The following WDR76 variants were observed in gnomAD, a reference collection of about 807,000 sequenced individuals.
WDR76 encodes the protein WD repeat-containing protein 76.
Under a neutral mutation model 70.2 loss-of-function variants are expected in WDR76, and 52 were observed. That is an observed-to-expected ratio of 0.74 (90% CI 0.59 to 0.93). The LOEUF is 0.93. Among genes scored for constraint, WDR76 ranks in the 40% least tolerant of loss-of-function variants. WDR76 has a pLI of 0.00. For synonymous variants in WDR76, 292 were observed against 271.1 expected, an observed-to-expected ratio of 1.08 and a Z score of -0.76; for missense variants, 756 against 760.2, an observed-to-expected ratio of 0.99 and a Z score of 0.07.
intron 12 of WDR76, among the ~76,000 whole-genome samples, chr15:43,864,772 T>C (rs1264483402): frequency 6.6e-6 from 1 of 151,810 alleles, no homozygotes; most frequent in Non-Finnish European, 1.5e-5. Flanking sequence ...TTTCCTATTT[T>C]TAGTGGAGAT....
chr15:43,865,013 C>A (rs771249026), intron 12 of WDR76, among the ~76,000 whole-genome samples: 12 of 152,352 alleles, frequency 7.9e-5, no homozygotes, highest in Non-Finnish European at 1.3e-4. Context: ...CAACCTCCAC[C>A]TCCCGGGTTC....
chr15:43,845,238 G>A (rs909017661), intron 8 of WDR76, among the ~76,000 whole-genome samples: 3 of 149,722 alleles, frequency 2.0e-5, no homozygotes, highest in Non-Finnish European at 4.5e-5. Context: ...CATGAGCCAC[G>A]GCGCCCAGCC....
chr15:43,861,542 A>G (rs1005401328), intron 12 of WDR76, among the ~76,000 whole-genome samples, 156 bp downstream of exon 12: 1 of 152,238 alleles, frequency 6.6e-6, no homozygotes, highest in East Asian at 1.9e-4. Flanking sequence ...CCTATCCAGA[A>G]GGGTTCTTGC....
At chr15:43,856,430 A>T (rs1055425073) in intron 9 of WDR76, among the ~76,000 whole-genome samples, 1 of 152,120 alleles carries the variant, frequency 6.6e-6, no homozygotes, top group Non-Finnish European at 1.5e-5. Flanking sequence ...TATAATTTCA[A>T]TTGGGTAGAA....
chr15:43,835,172 A>G, intron 3 of WDR76, 22 bp downstream of exon 3: 1 of 1,610,672 alleles, frequency 6.2e-7, no homozygotes, highest in Non-Finnish European at 8.5e-7. Flanking sequence ...GTCTATTTAA[A>G]AGCAAGATGC....
At chr15:43,865,827 G>T (rs1016742704) in intron 12 of WDR76, among the ~76,000 whole-genome samples, 1 of 152,222 alleles carries the variant, frequency 6.6e-6, no homozygotes, top group Non-Finnish European at 1.5e-5. Context: ...AATGAAAAAG[G>T]ATTGTTAGTG....
intron 2 of WDR76, among the ~76,000 whole-genome samples, chr15:43,832,788 T>C (rs901229974): frequency 1.5e-5 from 2 of 131,646 alleles, no homozygotes; most frequent in Non-Finnish European, 3.1e-5. Context: ...TCTCGGCTCT[T>C]GCCCTGGCAG....
intron 9 of WDR76, among the ~76,000 whole-genome samples, chr15:43,853,561 C>T (rs1432744827): frequency 6.6e-6 from 1 of 152,096 alleles, no homozygotes; most frequent in African/African-American, 2.4e-5. Flanking sequence ...ATTAAAAAAG[C>T]TAACCCAATT....
At chr15:43,858,459 T>G (rs2087957786) in intron 10 of WDR76, 1 of 498,374 alleles carries the variant, frequency 2.0e-6, no homozygotes, top group Non-Finnish European at 3.5e-6. Context: ...ATGTTGAGGC[T>G]GGTTTCGAAC....
At chr15:43,863,186 C>T (rs1181808957) in intron 12 of WDR76, among the ~76,000 whole-genome samples, 4 of 152,148 alleles carry the variant, frequency 2.6e-5, no homozygotes, top group Admixed American at 2.0e-4. Flanking sequence ...GATCCGCTTG[C>T]CTTGGCCTCC....
chr15:43,830,356 A>C (rs1049100520), intron 2 of WDR76, among the ~76,000 whole-genome samples: 1 of 151,988 alleles, frequency 6.6e-6, no homozygotes, highest in Non-Finnish European at 1.5e-5. Flanking sequence ...TGAGGTGGGG[A>C]GTTTGAGACC....
intron 9 of WDR76, among the ~76,000 whole-genome samples, chr15:43,854,722 G>T (rs1033664646): frequency 6.6e-6 from 1 of 152,134 alleles, no homozygotes; most frequent in Non-Finnish European, 1.5e-5. Context: ...GCCGAGGCAG[G>T]TGGATCACTT....
rs139067604 is a variant in WDR76 at position 43,861,276 on chromosome 15, T to C, written c.1563-57T>C. 2.3e-4 allele frequency: 318 copies of C among 1,392,582 alleles called. 1 individual carries two copies. The East Asian group carries it at 4.1e-3, about 18-fold the overall frequency. 86.3% of individuals were successfully genotyped at this position (1,392,582 alleles called of 1,614,324 possible). ...GAGAAGCTTGTTAAATACACTGATA[T>C]TTATTTCAGAAAGTTTTTAAGTAAC... On this transcript the variant is annotated intron_variant, in intron 11 of 12. Coordinates refer to ENST00000263795, the MANE Select transcript of WDR76 (RefSeq NM_024908.4).
At position 43,844,452 on chromosome 15, in the gene WDR76, T is replaced by C. The variant is rs145569662; in HGVS notation, c.1032+398T>C. Reference sequence around the variant, plus strand: ...GGCCAACATGGTGAAACCCCGTCTGTAGTAAAAAAATACAAAAATTAGCTG... The same window carrying C: ...GGCCAACATGGTGAAACCCCGTCTGCAGTAAAAAAATACAAAAATTAGCTG... On this transcript the variant is annotated intron_variant, in intron 8 of 12. Transcript: ENST00000263795. 5.5e-3 allele frequency among the ~76,000 whole-genome samples: 833 copies of C among 151,852 alleles called. 7 individuals carry two copies. The highest frequency in any genetic ancestry group is 0.019 in the African/African-American group (797 of 41,386).
At chr15:43,844,517 G>A (rs1274674203) in intron 8 of WDR76, among the ~76,000 whole-genome samples, 1 of 151,702 alleles carries the variant, frequency 6.6e-6, no homozygotes, top group Non-Finnish European at 1.5e-5. Flanking sequence ...CTACTCAGGA[G>A]GCTGAGGCAG....
intron 4 of WDR76, among the ~76,000 whole-genome samples, chr15:43,837,341 C>G (rs1403707810): frequency 6.6e-6 from 1 of 152,162 alleles, no homozygotes; most frequent in East Asian, 1.9e-4. Flanking sequence ...TGAAAAGTTA[C>G]TATAAGAGGA....
At chr15:43,833,852 G>A (rs1458838079) in intron 2 of WDR76, among the ~76,000 whole-genome samples, 1 of 151,682 alleles carries the variant, frequency 6.6e-6, no homozygotes. Flanking sequence ...GGCCAGGATG[G>A]TCCTGATTTC....
intron 8 of WDR76, among the ~76,000 whole-genome samples, chr15:43,844,447 G>A (rs542591889): frequency 8.0e-4 from 121 of 151,892 alleles, no homozygotes; most frequent in African/African-American, 2.8e-3. Context: ...GTGAAACCCC[G>A]TCTGTAGTAA....
At chr15:43,829,593 T>A (rs2087561803) in intron 2 of WDR76, among the ~76,000 whole-genome samples, 2 of 137,588 alleles carry the variant, frequency 1.5e-5, no homozygotes, top group Non-Finnish European at 3.1e-5. Flanking sequence ...TGCAAGCTCC[T>A]CCTCCCGGGT....
Sources: allele counts gnomAD v4.1 joint callset (sites outside exome capture counted in the v4.1 genomes callset), GRCh38; gene constraint gnomAD v4.1.1; transcripts MANE v1.5; gene names NCBI Gene and HGNC (gene_info 2026-07-23, HGNC 2026-07-21).